Variants in FBXL17 observed in about 807,000 individuals in gnomAD.
FBXL17 encodes the protein F-box/LRR-repeat protein 17.
In FBXL17, 22 loss-of-function variants were observed where a neutral mutation model predicts 66.2. The observed-to-expected ratio is 0.33, with a 90% CI of 0.24 to 0.47. The LOEUF (loss-of-function observed/expected upper bound fraction) is 0.47, where lower values mean the gene tolerates loss of function less well. FBXL17 is among the 20% of genes least tolerant of loss of function. The pLI is 1.00. For missense variants in FBXL17, 878 were observed against 948.2 expected (o/e 0.93, Z 0.97); for synonymous variants, 474 against 400.5 (o/e 1.18, Z -2.19).
At chr5:108,242,286 A>G (rs2150102153) in intron 4 of FBXL17, among the ~76,000 whole-genome samples, 1 of 152,226 alleles carries the variant, frequency 6.6e-6, no homozygotes, top group Admixed American at 6.5e-5. Flanking sequence ...GACTCCAGCA[A>G]TCCTCCTGCC....
At chr5:108,225,887 A>C (rs528391366) in intron 4 of FBXL17, among the ~76,000 whole-genome samples, 1 of 152,266 alleles carries the variant, frequency 6.6e-6, no homozygotes, top group South Asian at 2.1e-4. Context: ...TTCTGGAAAC[A>C]ATTCATTTGC....
intron 5 of FBXL17, among the ~76,000 whole-genome samples, chr5:108,195,390 C>T (rs1417132872): frequency 6.6e-6 from 1 of 152,054 alleles, no homozygotes; most frequent in Non-Finnish European, 1.5e-5. Context: ...TAGGACAGTG[C>T]AAAGGCCCTG....
At position 108,115,710 on chromosome 5, in the gene FBXL17, G is replaced by C. The variant is rs548773579; in HGVS notation, c.1745+70407C>G. The stretch of plus-strand genomic sequence containing the variant: ...GTTGAAAAAGTTATTTCTCTGAGTA[G>C]TTCTACAAAATGACCCACATATACA... On this transcript the variant is annotated intron_variant, in intron 6 of 8. Coordinates refer to ENST00000542267, the MANE Select transcript of FBXL17 (RefSeq NM_001163315.3). Among the ~76,000 whole-genome samples, 7 of 152,112 alleles carry C rather than the reference G, an allele frequency of 4.6e-5. No individual in the cohort carries two copies. The East Asian group carries it at 1.4e-3, about 29-fold the overall frequency.
intron 7 of FBXL17, among the ~76,000 whole-genome samples, chr5:107,915,693 T>C (rs1301024534): frequency 6.6e-6 from 1 of 152,346 alleles, no homozygotes; most frequent in African/African-American, 2.4e-5. Context: ...TTGGTACTTA[T>C]AATAAATCAA....
intron 4 of FBXL17, among the ~76,000 whole-genome samples, chr5:108,264,265 G>C (rs1196897115): frequency 1.5e-5 from 2 of 133,216 alleles, no homozygotes; most frequent in East Asian, 2.3e-4. Context: ...CGTCTCTTTT[G>C]AATGAAATCA....
intron 6 of FBXL17, among the ~76,000 whole-genome samples, chr5:108,093,267 A>T (rs1749252579): frequency 6.6e-6 from 1 of 151,756 alleles, no homozygotes; most frequent in Non-Finnish European, 1.5e-5. Flanking sequence ...CCCACTAAAA[A>T]TTTTAATCTA....
In FBXL17 at chr5:108,380,997, G is replaced by A; in HGVS notation, c.695C>T (p.Pro232Leu). The change falls in exon 1 of 9, where the codon CCT becomes CTT. Residue 232 changes from proline to leucine, a missense_variant. Pro to Leu is a moderately conservative substitution (Grantham distance 98). This residue lies in a region of FBXL17 where 605 missense variants were observed against 509.5 expected (regional missense o/e 1.19). Coordinates refer to ENST00000542267, the MANE Select transcript of FBXL17 (RefSeq NM_001163315.3). ...GGGGGGGGGGPAGGGASPPRP... is the reference protein window; with the variant it reads ...GGGGGGGGGGLAGGGASPPRP... ...GGGCGGCGAAGCGCCTCCCCCCGCA[G>A]GCCCTCCCCCGCCACCGCCGCCGCC... The A allele has an allele frequency of 2.5e-6, 3 of 1,203,972 alleles. No homozygotes were observed. Among genetic ancestry groups the A allele is most frequent in the Non-Finnish European group, 3.1e-6 (3 of 970,008 alleles). The allele number at this position is 1,203,972 out of a possible 1,614,324, so 74.6% of individuals were successfully genotyped here. A position where few individuals can be genotyped will look rare whatever the true frequency, so the allele number is the denominator to read the frequency against.
intron 7 of FBXL17, among the ~76,000 whole-genome samples, chr5:107,925,521 T>C (rs116421201): frequency 3.3e-5 from 5 of 152,320 alleles, no homozygotes; most frequent in African/African-American, 4.8e-5. Context: ...GGATTGAATA[T>C]GGTGCTGGCT....
At chr5:107,867,016 A>G (rs905674871) in intron 8 of FBXL17, among the ~76,000 whole-genome samples, 31 of 152,254 alleles carry the variant, frequency 2.0e-4, no homozygotes, top group African/African-American at 7.2e-4. Flanking sequence ...TCATATAGGG[A>G]TTGTTCAATG....
At chr5:107,916,867 C>T (rs1332830837) in intron 7 of FBXL17, among the ~76,000 whole-genome samples, 5 of 151,998 alleles carry the variant, frequency 3.3e-5, no homozygotes, top group Non-Finnish European at 5.9e-5. Context: ...TTTTTGTTTT[C>T]GGAATTAAAA....
chr5:108,094,090 T>A (rs1395365545), intron 6 of FBXL17, among the ~76,000 whole-genome samples: 1 of 152,112 alleles, frequency 6.6e-6, no homozygotes, highest in African/African-American at 2.4e-5. Context: ...GCTGCACAGT[T>A]AAAAAGTCTC....
chr5:107,883,482 C>A (rs763385929), intron 7 of FBXL17, among the ~76,000 whole-genome samples: 2 of 151,820 alleles, frequency 1.3e-5, no homozygotes, highest in East Asian at 3.9e-4. Context: ...GGGGTGGGTG[C>A]GACGTGGGGT....
chr5:108,160,048 A>G (rs1305276175), intron 6 of FBXL17, among the ~76,000 whole-genome samples: 1 of 152,132 alleles, frequency 6.6e-6, no homozygotes, highest in African/African-American at 2.4e-5. Flanking sequence ...ATCTCAACAG[A>G]TTATTTTGCT....
At chr5:108,143,310 T>C (rs1252755337) in intron 6 of FBXL17, among the ~76,000 whole-genome samples, 1 of 151,288 alleles carries the variant, frequency 6.6e-6, no homozygotes, top group Non-Finnish European at 1.5e-5. Flanking sequence ...TAAATGAACA[T>C]AGACAATTAA....
At chr5:108,225,638 G>C (rs1004723641) in intron 4 of FBXL17, among the ~76,000 whole-genome samples, 1 of 152,160 alleles carries the variant, frequency 6.6e-6, no homozygotes, top group East Asian at 1.9e-4. Context: ...CCAACACTTT[G>C]ATCTTGGACT....
chr5:108,083,579 T>TG (rs1370843912), intron 6 of FBXL17, among the ~76,000 whole-genome samples: 11 of 151,428 alleles, frequency 7.3e-5, no homozygotes, highest in Non-Finnish European at 1.2e-4. Context: ...TAATTTTTTT[T>TG]TTTTTTTTGG....
At chr5:108,250,678 T>G (rs1168823912) in intron 4 of FBXL17, among the ~76,000 whole-genome samples, 1 of 152,086 alleles carries the variant, frequency 6.6e-6, no homozygotes, top group African/African-American at 2.4e-5. Flanking sequence ...TAAAAAGTAC[T>G]GAAAGATACA....
chr5:108,299,148 C>T, intron 4 of FBXL17: 1 of 980,252 alleles, frequency 1.0e-6, no homozygotes. Flanking sequence ...AAAAATCTGT[C>T]AAGATTCTAT....
chr5:108,284,698 A>G (rs1036373887), intron 4 of FBXL17, among the ~76,000 whole-genome samples: 15 of 151,938 alleles, frequency 9.9e-5, no homozygotes, highest in African/African-American at 3.6e-4. Flanking sequence ...CCATAAATTT[A>G]CACAAATGTT....
Sources: gnomAD v4.1 joint callset for allele counts (sites outside exome capture counted in the v4.1 genomes callset) on GRCh38, gnomAD v4.1.1 for gene constraint, gnomAD v4.1.1 regional missense constraint, MANE v1.5 for transcripts, NCBI Gene and HGNC (gene_info 2026-07-23, HGNC 2026-07-21) for gene names.